AOX1: variants seen among roughly 807,000 people sequenced by gnomAD.
The protein encoded by AOX1 is aldehyde oxidase 1, also known as aldehyde oxidase.
Under a neutral mutation model 169.5 loss-of-function variants are expected in AOX1, and 153 were observed. The ratio of observed to expected loss-of-function variants is 0.90; its 90% CI spans 0.79 to 1.03. AOX1 has a LOEUF of 1.03. Among genes scored for constraint, AOX1 ranks in the 50% least tolerant of loss-of-function variants. The pLI is 0.00. For missense variants in AOX1, 1,656 were observed against 1,663.9 expected (o/e 1.00, Z 0.08); for synonymous variants, 562 against 581.9 (o/e 0.97, Z 0.49).
At chr2:200,652,393 A>T (rs1250916047) in intron 26 of AOX1, among the ~76,000 whole-genome samples, 1 of 152,222 alleles carries the variant, frequency 6.6e-6, no homozygotes, top group Non-Finnish European at 1.5e-5. Context: ...GTTTACTCAA[A>T]TGTGGGAGAC....
chr2:200,659,817 C>CACAT (rs1242211739), intron 28 of AOX1, among the ~76,000 whole-genome samples, 178 bp from the exon 29 acceptor site: 8 of 147,250 alleles, frequency 5.4e-5, no homozygotes, highest in Admixed American at 2.0e-4. Context: ...CACACACACA[C>CACAT]ACACACACGT....
chr2:200,681,554 AG>A (rs1490010805), downstream of AOX1: 1 of 152,638 alleles, frequency 6.6e-6, no homozygotes, highest in African/African-American at 2.4e-5. Flanking sequence ...GAGATGCTGG[AG>A]CATTTTCATC....
At chr2:200,672,654 A>T (rs1160908733), downstream of AOX1, among the ~76,000 whole-genome samples, 1 of 152,220 alleles carries the variant, frequency 6.6e-6, no homozygotes, top group East Asian at 1.9e-4. Context: ...GAAAAATTTT[A>T]AAAATAATAA....
intron 1 of AOX1, among the ~76,000 whole-genome samples, chr2:200,586,436 C>G (rs1292472467): frequency 6.6e-6 from 1 of 152,206 alleles, no homozygotes; most frequent in East Asian, 1.9e-4. Context: ...TCCAACCACA[C>G]GCCCTCCCTA....
Position 200,638,304 on chromosome 2 carries a change from T to G in AOX1, c.2568+2T>G. ...CATCCTTACCTTGGAAAGTACAAAG[T>G]GAGTACAAGAGGGCATGGAGGAAGG... is the stretch of plus-strand genomic sequence containing the variant. On this transcript the variant is annotated splice_donor_variant, in intron 23 of 34. Coordinates refer to ENST00000374700, the MANE Select transcript of AOX1 (RefSeq NM_001159.4). LOFTEE classifies it high-confidence loss of function. 6.2e-7 allele frequency: 1 copy of G among 1,613,014 alleles called. No individual in the cohort carries two copies. Among genetic ancestry groups the G allele is most frequent in the Non-Finnish European group, 8.5e-7 (1 of 1,179,172 alleles).
At chr2:200,587,940 T>C (rs948902993) in intron 1 of AOX1, among the ~76,000 whole-genome samples, 75 of 152,310 alleles carry the variant, frequency 4.9e-4, no homozygotes, top group African/African-American at 1.6e-3. Context: ...GGGCCTACCG[T>C]ATGCCAGTCA....
In AOX1 at chr2:200,597,451, C is replaced by T. The variant is rs142194948; in HGVS notation, c.255C>T (p.Ala85=). 38 of 1,612,574 alleles carry T rather than the reference C, an allele frequency of 2.4e-5. No homozygotes were observed. Among genetic ancestry groups the T allele is most frequent in the African/African-American group, 4.0e-5 (3 of 74,886 alleles). ...LIPICSLYGA[A]VTTVEGIGST... Reference sequence around the variant, plus strand: ...CCATCTGTTCTCTGTATGGTGCTGCCGTCACCACAGTAGAAGGCATAGGAA... The same window carrying T: ...CCATCTGTTCTCTGTATGGTGCTGCTGTCACCACAGTAGAAGGCATAGGAA... Residue 85 remains alanine (A), a synonymous_variant, in exon 4 of 35, where the codon GCC becomes GCT. Transcript: ENST00000374700.
intron 1 of AOX1, among the ~76,000 whole-genome samples, chr2:200,588,583 T>C (rs1255560198): frequency 6.6e-6 from 1 of 152,088 alleles, no homozygotes; most frequent in Non-Finnish European, 1.5e-5. Context: ...CTGGAGATAT[T>C]GATTCTGTTT....
chr2:200,678,740 A>T (rs1204202786), downstream of AOX1: 1 of 151,922 alleles, frequency 6.6e-6, no homozygotes, highest in Admixed American at 6.6e-5. Flanking sequence ...AAAAAAAAAA[A>T]ACCTCTGGAT....
At chr2:200,598,514 G>T (rs1288575116) in intron 4 of AOX1, among the ~76,000 whole-genome samples, 1 of 152,160 alleles carries the variant, frequency 6.6e-6, no homozygotes, top group Admixed American at 6.5e-5. Flanking sequence ...GGAGGCAGAG[G>T]TGGGCAGATC....
chr2:200,591,605 TA>T (rs1353456174), intron 1 of AOX1, among the ~76,000 whole-genome samples: 1 of 152,226 alleles, frequency 6.6e-6, no homozygotes, highest in African/African-American at 2.4e-5. Context: ...TGTACTCATT[TA>T]AAAAGCACAT....
In AOX1 at chr2:200,669,648, G is replaced by C. The variant is rs150828500; in HGVS notation, c.3872G>C (p.Arg1291Pro). The C allele has an allele frequency of 1.2e-6, 2 of 1,613,878 alleles. No homozygotes were observed. The highest frequency in any genetic ancestry group is 2.7e-5 in the African/African-American group (2 of 74,858). The change falls in exon 34 of 35, where the codon CGA becomes CCA. Residue 1291 changes from arginine (R) to proline (P), a missense_variant. Physicochemically the swap from Arg to Pro is moderately radical, Grantham distance 103 (BLOSUM62 -2). Coordinates refer to ENST00000374700, the MANE Select transcript of AOX1 (RefSeq NM_001159.4). ...ATCCATGACGCAGTGAGTGCAGCAC[G>C]ACAGGAGAGAGGCCTGCATGGACCC... ...FAIHDAVSAARQERGLHGPLT... is the reference protein window; with the variant it reads ...FAIHDAVSAAPQERGLHGPLT...
At chr2:200,587,445 C>T (rs766072718) in intron 1 of AOX1, among the ~76,000 whole-genome samples, 16 of 152,180 alleles carry the variant, frequency 1.1e-4, no homozygotes, top group Non-Finnish European at 1.9e-4. Context: ...CCAGCTGCCT[C>T]CCCTGGAAGC....
Position 200,593,181 on chromosome 2 carries a change from G to A in AOX1, c.81G>A (p.Leu27=). 3.7e-6 allele frequency: 6 copies of A among 1,613,686 alleles called. No homozygotes were observed. The highest frequency in any genetic ancestry group is 5.1e-6 in the Non-Finnish European group (6 of 1,179,772). The part of the protein sequence containing the change: ...IEKNVDPETM[L]LPYLRKKLRL... ...AAAATGTCGATCCTGAAACAATGCT[G>A]TTGCCTTATTTGAGGAAGAAGCGTA... The change falls in exon 2 of 35, where the codon CTG becomes CTA. Residue 27 remains leucine (L), a synonymous_variant. Transcript: ENST00000374700.
At chr2:200,657,161 C>CAA (rs67071824) in intron 27 of AOX1, among the ~76,000 whole-genome samples, 69 of 82,962 alleles carry the variant, frequency 8.3e-4, no homozygotes, top group African/African-American at 2.5e-3. Flanking sequence ...CCATCTCTAC[C>CAA]AAAAATATAT....
At chr2:200,677,549 T>A (rs1369410315), downstream of AOX1, among the ~76,000 whole-genome samples, 1 of 152,138 alleles carries the variant, frequency 6.6e-6, no homozygotes, top group Non-Finnish European at 1.5e-5. Flanking sequence ...TGCAAATAAT[T>A]ACAAAACTTT....
chr2:200,586,221 C>A (rs2034028039), intron 1 of AOX1, 68 bp downstream of exon 1: 3 of 1,451,894 alleles, frequency 2.1e-6, no homozygotes, highest in Non-Finnish European at 2.8e-6. Context: ...GGAGCCCCTG[C>A]CGTTCGTCCC....
At chr2:200,604,393 A>G (rs1574913550) in intron 8 of AOX1, among the ~76,000 whole-genome samples, 1 of 152,206 alleles carries the variant, frequency 6.6e-6, no homozygotes, top group Admixed American at 6.5e-5. Context: ...GCTGAAGTTT[A>G]TTCCTCCATA....
At chr2:200,616,272 G>T (rs1054560627) in intron 16 of AOX1, among the ~76,000 whole-genome samples, 3 of 152,214 alleles carry the variant, frequency 2.0e-5, no homozygotes, top group Admixed American at 6.5e-5. Context: ...TATTAAAGAA[G>T]AATGTTGATT....
Sources: allele counts gnomAD v4.1 joint callset (sites outside exome capture counted in the v4.1 genomes callset), GRCh38; gene constraint gnomAD v4.1.1; transcripts MANE v1.5; gene names NCBI Gene and HGNC (gene_info 2026-07-23, HGNC 2026-07-21).